The following ANKRD13B variants were observed in gnomAD, a reference collection of about 807,000 sequenced individuals.
The protein encoded by ANKRD13B is ankyrin repeat domain-containing protein 13B.
A neutral mutation model predicts 74.4 loss-of-function variants in ANKRD13B; 33 were observed. The observed-to-expected ratio is 0.44, with a 90% CI of 0.34 to 0.59. The LOEUF is 0.59. ANKRD13B is among the 20% of genes least tolerant of loss of function. ANKRD13B has a pLI of 0.02. For missense variants in ANKRD13B, 676 were observed against 877.9 expected (o/e 0.77, Z 2.91); for synonymous variants, 341 against 362.9 (o/e 0.94, Z 0.68).
chr17:29,596,917 T>G lies in ANKRD13B; in HGVS notation c.114+3182T>G, dbSNP rs1447114457. Among the ~76,000 whole-genome samples the G allele has an allele frequency of 3.3e-5, 5 of 152,122 alleles. No homozygotes were observed. The South Asian group carries it at 1.0e-3, about 32-fold the overall frequency. On this transcript the variant is annotated intron_variant, in intron 1 of 14. Transcript: ENST00000394859. Reference sequence around the variant, plus strand: ...CAAGGGCAGGATGGGAGGGGTGACATGGAGGGAGAAGTCCAGGGTGCGGTC... The same window carrying G: ...CAAGGGCAGGATGGGAGGGGTGACAGGGAGGGAGAAGTCCAGGGTGCGGTC...
In ANKRD13B at chr17:29,612,853, C is replaced by T; in HGVS notation, c.1576-34C>T. 1.2e-6 allele frequency: 2 copies of T among 1,600,232 alleles called. No individual in the cohort carries two copies. Among genetic ancestry groups the T allele is most frequent in the Non-Finnish European group, 1.7e-6 (2 of 1,178,968 alleles). ...GGGCGCGCGGGGCCACGGGACTCCG[C>T]GCCGCCACGGCTAACGCCCACGCCT... On this transcript the variant is annotated intron_variant, in intron 13 of 14. Coordinates refer to ENST00000394859, the MANE Select transcript of ANKRD13B (RefSeq NM_152345.5). The surrounding 1 kb of genome is among the most constrained non-coding windows in gnomAD (Gnocchi z 6.1).
At chr17:29,593,895 A>AGGGGAGCGGGCCCTGCCCGC in intron 1 of ANKRD13B, 160 bp downstream of exon 1, 17 of 315,730 alleles carry the variant, frequency 5.4e-5, no homozygotes, top group Non-Finnish European at 7.9e-5. Flanking sequence ...GGAAAGGGTG[A>AGGGGAGCGGGCCCTGCCCGC]TCCCCTCCGG....
At chr17:29,602,954 C>T (rs1350406518) in intron 1 of ANKRD13B, among the ~76,000 whole-genome samples, 4 of 152,156 alleles carry the variant, frequency 2.6e-5, no homozygotes, top group South Asian at 2.1e-4. Flanking sequence ...CGGGTTCAAG[C>T]GATTCTCCTG....
Position 29,608,372 on chromosome 17 carries a change from C to A in ANKRD13B, c.421+132C>A. ...GCCTTAGCTCAGCTCAGGGCCACCG[C>A]CTCAGCTAGGCCTTTCCAGATTGCC... On this transcript the variant is annotated intron_variant, in intron 4 of 14. Transcript: ENST00000394859. The surrounding 1 kb of genome is among the most constrained non-coding windows in gnomAD (Gnocchi z 6.4). The A allele has an allele frequency of 8.5e-7, 1 of 1,172,706 alleles. No homozygotes were observed. The highest frequency in any genetic ancestry group is 1.2e-6 in the Non-Finnish European group (1 of 828,810). 72.6% of individuals were successfully genotyped at this position (1,172,706 alleles called of 1,614,324 possible).
intron 1 of ANKRD13B, among the ~76,000 whole-genome samples, chr17:29,594,835 A>T (rs2033896576): frequency 6.6e-6 from 1 of 152,180 alleles, no homozygotes; most frequent in South Asian, 2.1e-4. Context: ...GTTCAGTCTG[A>T]GGAGCTGTGC....
At position 29,612,387 on chromosome 17, in the gene ANKRD13B, T is replaced by G; in HGVS notation, c.1259-15T>G. 6.2e-7 allele frequency: 1 copy of G among 1,612,114 alleles called. No individual in the cohort carries two copies. The highest frequency in any genetic ancestry group is 8.5e-7 in the Non-Finnish European group (1 of 1,179,260). On this transcript the variant is annotated splice_polypyrimidine_tract_variant and intron_variant, in intron 11 of 14. Coordinates refer to ENST00000394859, the MANE Select transcript of ANKRD13B (RefSeq NM_152345.5). The surrounding 1 kb of genome is among the most constrained non-coding windows in gnomAD (Gnocchi z 6.1). ...GGGGCTGAGTGGTGGCGCCTAAAGG[T>G]TTCCTCATCCTCAGAAATCCCGATC...
At position 29,593,602 on chromosome 17, in the gene ANKRD13B, C is replaced by A; in HGVS notation, c.-20C>A. The A allele has an allele frequency of 7.9e-7, 1 of 1,261,754 alleles. No homozygotes were observed. The highest frequency in any genetic ancestry group is 1.0e-6 in the Non-Finnish European group (1 of 988,162). 78.2% of individuals were successfully genotyped at this position (1,261,754 alleles called of 1,614,324 possible). On this transcript the variant is annotated 5_prime_UTR_variant, in exon 1 of 15. Coordinates refer to ENST00000394859, the MANE Select transcript of ANKRD13B (RefSeq NM_152345.5). Reference sequence around the variant, plus strand: ...CTCCTCCCCGGCCGGGCGCCGCGGCCCCGGCATGAGGAGCGGGCGATGATC... The same window carrying A: ...CTCCTCCCCGGCCGGGCGCCGCGGCACCGGCATGAGGAGCGGGCGATGATC...
chr17:29,613,544 C>G lies in ANKRD13B; in HGVS notation c.1843C>G (p.Leu615Val). Residue 615 changes from leucine to valine, a missense_variant, in exon 15 of 15, where the codon CTG becomes GTG. Leu to Val is a conservative substitution (Grantham distance 32). Coordinates refer to ENST00000394859, the MANE Select transcript of ANKRD13B (RefSeq NM_152345.5). Reference sequence around the variant, plus strand: ...GCGCGCGCGCCAGGAGGAGGAGGAGCTGGAGCGCATCCTGAGGCTCTCACT... The same window carrying G: ...GCGCGCGCGCCAGGAGGAGGAGGAGGTGGAGCGCATCCTGAGGCTCTCACT... The part of the protein sequence containing the change: ...RRRARQEEEE[L>V]ERILRLSLTE... The G allele has an allele frequency of 6.6e-7, 1 of 1,519,848 alleles. No individual in the cohort carries two copies. The highest frequency in any genetic ancestry group is 8.8e-7 in the Non-Finnish European group (1 of 1,136,168). The allele number at this position is 1,519,848 out of a possible 1,614,324, so 94.1% of individuals were successfully genotyped here.
intron 1 of ANKRD13B, 113 bp from the exon 2 acceptor site, chr17:29,607,629 A>G: frequency 7.0e-7 from 1 of 1,428,930 alleles, no homozygotes; most frequent in South Asian, 1.4e-5. Flanking sequence ...TTGGTGAGGC[A>G]GAGCAGCCCC....
chr17:29,595,880 C>T (rs537035133), intron 1 of ANKRD13B, among the ~76,000 whole-genome samples: 3 of 152,158 alleles, frequency 2.0e-5, no homozygotes, highest in African/African-American at 4.8e-5. Flanking sequence ...TCTCCCCTCT[C>T]GAGGACTGGC....
At chr17:29,597,419 G>A (rs1312536940) in intron 1 of ANKRD13B, among the ~76,000 whole-genome samples, 1 of 152,138 alleles carries the variant, frequency 6.6e-6, no homozygotes, top group East Asian at 1.9e-4. Flanking sequence ...TATGGTACCA[G>A]TGTGTACTAG....
At chr17:29,599,304 C>T (rs2034069858) in intron 1 of ANKRD13B, 1 of 152,158 alleles carries the variant, frequency 6.6e-6, no homozygotes, top group Admixed American at 6.5e-5. Flanking sequence ...AGATTTTGAA[C>T]TAAAGAGTGT....
At chr17:29,594,549 G>C (rs947346486) in intron 1 of ANKRD13B, among the ~76,000 whole-genome samples, 7 of 152,326 alleles carry the variant, frequency 4.6e-5, no homozygotes, top group African/African-American at 1.7e-4. Flanking sequence ...ATGTCTTCTG[G>C]CCATGCTTCA....
At chr17:29,603,707 AGATGGTC>A (rs2034261277) in intron 1 of ANKRD13B, among the ~76,000 whole-genome samples, 1 of 152,110 alleles carries the variant, frequency 6.6e-6, no homozygotes, top group Non-Finnish European at 1.5e-5. Flanking sequence ...TACTATCTTT[AGATGGTC>A]CACTGGGTTC....
Position 29,601,609 on chromosome 17 carries a change from C to T in ANKRD13B, c.115-6133C>T, listed in dbSNP as rs139479733. Among the ~76,000 whole-genome samples, 5 of 152,220 alleles carry T rather than the reference C, an allele frequency of 3.3e-5. No homozygotes were observed. The East Asian group carries it at 9.6e-4, about 29-fold the overall frequency. On this transcript the variant is annotated intron_variant, in intron 1 of 14. Coordinates refer to ENST00000394859, the MANE Select transcript of ANKRD13B (RefSeq NM_152345.5). ...TTTCTATCTGGGATCATTTTCTTTC[C>T]ACCTGAAGAACTCCCTTTAACATTT...
In ANKRD13B at chr17:29,593,636, C is replaced by T. The variant is rs2033843223; in HGVS notation, c.15C>T (p.Asn5=). ...AGGAGCGGGCGATGATCCCCGCCAA[C>T]GCCTCCGCCAGGAAGGGGCCCGAGG... is the stretch of plus-strand genomic sequence containing the variant. The part of the protein sequence containing the change: MIPA[N]ASARKGPEGK... Residue 5 remains asparagine, a synonymous_variant, in exon 1 of 15, where the codon AAC becomes AAT. Coordinates refer to ENST00000394859, the MANE Select transcript of ANKRD13B (RefSeq NM_152345.5). The T allele has an allele frequency of 4.3e-6, 6 of 1,390,602 alleles. No individual in the cohort carries two copies. The highest frequency in any genetic ancestry group is 5.7e-6 in the Non-Finnish European group (6 of 1,058,100). The allele number at this position is 1,390,602 out of a possible 1,614,324, so 86.1% of individuals were successfully genotyped here.
rs1443187161 is a variant in ANKRD13B at position 29,612,506 on chromosome 17, C to A, written c.1363C>A (p.Pro455Thr). ...GCGAGGCAGCCCCAGCAGCGAGACGCCTTCCCCAGGCAGCGACTCCTCCAG... is the reference window on the plus strand; with the variant it reads ...GCGAGGCAGCCCCAGCAGCGAGACGACTTCCCCAGGCAGCGACTCCTCCAG... ...SVRGSPSSET[P>T]SPGSDSSSVS... Residue 455 changes from proline (P) to threonine (T), a missense_variant, in exon 12 of 15, where the codon CCT (proline) becomes ACT (threonine). Physicochemically the swap from Pro to Thr is conservative, Grantham distance 38. Around this residue, in one of 4 missense-constraint regions of ANKRD13B, gnomAD observed 152 missense variants for 181.4 expected, o/e 0.84. Transcript: ENST00000394859. This position sits in a 1 kb window ranked among gnomAD's most constrained non-coding sequence, Gnocchi z 6.1. 1 of 1,581,916 alleles carries A rather than the reference C, an allele frequency of 6.3e-7. No individual in the cohort carries two copies. The highest frequency in any genetic ancestry group is 8.6e-7 in the Non-Finnish European group (1 of 1,164,006).
At position 29,593,400 on chromosome 17, in the gene ANKRD13B, C is replaced by A; in HGVS notation, c.-222C>A. 1 of 146,820 alleles carries A rather than the reference C, an allele frequency of 6.8e-6. No homozygotes were observed. Among genetic ancestry groups the A allele is most frequent in the South Asian group, 1.8e-4 (1 of 5,426 alleles). The allele number at this position is 146,820 out of a possible 1,614,324, so 9.1% of individuals were successfully genotyped here. A position where few individuals can be genotyped will look rare whatever the true frequency, so the allele number is the denominator to read the frequency against. On this transcript the variant is annotated 5_prime_UTR_variant, in exon 1 of 15. Coordinates refer to ENST00000394859, the MANE Select transcript of ANKRD13B (RefSeq NM_152345.5). ...TCCCTCCCAGGGCGGGTGGGGGCCT[C>A]TCCGCGCCGCCCGCCGCCGCCGCCT...
At chr17:29,603,415 GTTGTT>G (rs887492187) in intron 1 of ANKRD13B, among the ~76,000 whole-genome samples, 2 of 152,070 alleles carry the variant, frequency 1.3e-5, no homozygotes, top group African/African-American at 2.4e-5. Flanking sequence ...TAATGTAAAA[GTTGTT>G]TTGTTTTGTT....
Sources: gnomAD v4.1 joint callset for allele counts (sites outside exome capture counted in the v4.1 genomes callset) on GRCh38, gnomAD v4.1.1 for gene constraint, gnomAD v4.1.1 regional missense constraint, Gnocchi (gnomAD v3.1) non-coding constraint, MANE v1.5 for transcripts, NCBI Gene and HGNC (gene_info 2026-07-23, HGNC 2026-07-21) for gene names.